Variants in EXOSC1 observed in about 807,000 individuals in gnomAD.
EXOSC1 encodes exosome component 1.
Under a neutral mutation model 31.4 loss-of-function variants are expected in EXOSC1, and 27 were observed. The observed-to-expected ratio is 0.86, with a 90% CI of 0.63 to 1.18. EXOSC1 has a LOEUF of 1.18. EXOSC1 is among the 50% of genes most tolerant of loss of function. EXOSC1 has a pLI of 0.00. For missense variants in EXOSC1, 228 were observed against 250.3 expected, an observed-to-expected ratio of 0.91 and a Z score of 0.60; for synonymous variants, 84 against 89.5, an observed-to-expected ratio of 0.94 and a Z score of 0.35.
chr10:97,437,661 T>C (rs1845584346), intron 6 of EXOSC1, 39 bp downstream of exon 6: 10 of 1,602,738 alleles, frequency 6.2e-6, no homozygotes, highest in Non-Finnish European at 8.5e-6. Flanking sequence ...TTCTCTTCTT[T>C]TGACAAAGGA....
chr10:97,437,806 A>G (rs1589461626), intron 5 of EXOSC1, 56 bp from the exon 6 acceptor site: 2 of 1,422,900 alleles, frequency 1.4e-6, no homozygotes, highest in Non-Finnish European at 2.0e-6. Flanking sequence ...TCTATATGAA[A>G]CTGTGAACGC....
Position 97,445,717 on chromosome 10 carries a change from T to G in EXOSC1, c.147+15A>C. On this transcript the variant is annotated intron_variant, in intron 2 of 7. Coordinates refer to ENST00000370902, the MANE Select transcript of EXOSC1 (RefSeq NM_016046.5). ...AGGGAAAAACAGAGGGGAGATGGCA[T>G]GCCGCTTCCTTTACCGCGCCATTCT... 6.2e-7 allele frequency: 1 copy of G among 1,611,288 alleles called. No individual in the cohort carries two copies. The highest frequency in any genetic ancestry group is 8.5e-7 in the Non-Finnish European group (1 of 1,177,900).
chr10:97,438,552 G>T, intron 5 of EXOSC1, 118 bp downstream of exon 5: 2 of 888,184 alleles, frequency 2.3e-6, no homozygotes, highest in Non-Finnish European at 1.8e-6. Context: ...TGATCCTCCC[G>T]CCTCAGCCTC....
At chr10:97,439,889 A>G (rs1016529349) in intron 4 of EXOSC1, among the ~76,000 whole-genome samples, 1 of 151,748 alleles carries the variant, frequency 6.6e-6, no homozygotes, top group African/African-American at 2.4e-5. Context: ...TCACCATCTC[A>G]CCCACAAATC....
At chr10:97,440,082 C>T (rs1444153552) in intron 4 of EXOSC1, among the ~76,000 whole-genome samples, 3 of 151,634 alleles carry the variant, frequency 2.0e-5, no homozygotes, top group African/African-American at 4.9e-5. Flanking sequence ...AAGTGATTCT[C>T]CTGCCTCAGC....
chr10:97,443,241 C>A lies in EXOSC1; in HGVS notation c.218G>T (p.Cys73Phe), dbSNP rs1336030915. 6.2e-7 allele frequency: 1 copy of A among 1,613,704 alleles called. No homozygotes were observed. Among genetic ancestry groups the A allele is most frequent in the South Asian group, 1.1e-5 (1 of 91,006 alleles). The change falls in exon 3 of 8, where the codon TGT becomes TTT. Residue 73 changes from cysteine (C) to phenylalanine (F), a missense_variant. Transcript: ENST00000370902. ...LLPDVGAIVT[C>F]KVSSINSRFA... ...TGGAGGTCAGGACCAACTTACCTTA[C>A]AGGTTACAATAGCTCCCACATCTGG... is the stretch of plus-strand genomic sequence containing the variant.
chr10:97,442,307 A>G (rs1018762231), intron 3 of EXOSC1, among the ~76,000 whole-genome samples: 1 of 152,180 alleles, frequency 6.6e-6, no homozygotes, highest in Admixed American at 6.5e-5. Context: ...AGACACAGGT[A>G]GAACTATGTA....
chr10:97,437,107 A>T, intron 7 of EXOSC1, 84 bp downstream of exon 7: 1 of 1,240,232 alleles, frequency 8.1e-7, no homozygotes, highest in Non-Finnish European at 1.2e-6. Context: ...TGCTTCCCAG[A>T]TAAGGGAAAC....
chr10:97,445,073 G>T (rs774546646), intron 2 of EXOSC1: 11 of 152,074 alleles, frequency 7.2e-5, no homozygotes, highest in Non-Finnish European at 1.5e-4. Context: ...AGAGTTTTTT[G>T]TGAGTCTTTA....
rs193222710 is a variant in EXOSC1 at position 97,437,368 on chromosome 10, T to C, written c.397-93A>G. 2.4e-4 allele frequency: 224 copies of C among 938,110 alleles called. 2 individuals are homozygous for C. In the African/African-American group the frequency reaches 3.2e-3, roughly 13 times the overall value. 58.1% of individuals were successfully genotyped at this position (938,110 alleles called of 1,614,324 possible). A position where few individuals can be genotyped will look rare whatever the true frequency, so the allele number is the denominator to read the frequency against. On this transcript the variant is annotated intron_variant, in intron 6 of 7. Transcript: ENST00000370902. ...TTGTTTTTCTACCTTTTTTTTTTTCTGAGATGGAGTCTTGCTCCGTTAACC... is the reference window on the plus strand; with the variant it reads ...TTGTTTTTCTACCTTTTTTTTTTTCCGAGATGGAGTCTTGCTCCGTTAACC...
At position 97,441,205 on chromosome 10, in the gene EXOSC1, T is replaced by C. The variant is rs778840822; in HGVS notation, c.277A>G (p.Met93Val). 3.1e-6 allele frequency: 5 copies of C among 1,614,130 alleles called. No homozygotes were observed. Among genetic ancestry groups the C allele is most frequent in the East Asian group, 4.5e-5 (2 of 44,884 alleles). ...AKVHILYVGS[M>V]PLKNSFRGTI... Reference sequence around the variant, plus strand: ...CCTCGAAAAGAGTTCTTAAGAGGCATGGACCCCACATACAGGATGTGTACT... The same window carrying C: ...CCTCGAAAAGAGTTCTTAAGAGGCACGGACCCCACATACAGGATGTGTACT... The change falls in exon 4 of 8, where the codon ATG becomes GTG. Residue 93 changes from methionine (M) to valine (V), a missense_variant. Coordinates refer to ENST00000370902, the MANE Select transcript of EXOSC1 (RefSeq NM_016046.5).
chr10:97,445,435 A>G (rs1029384408), intron 2 of EXOSC1: 28 of 435,370 alleles, frequency 6.4e-5, no homozygotes, highest in South Asian at 1.8e-4. Flanking sequence ...AGCAACATTC[A>G]TACAGTATGC....
intron 5 of EXOSC1, 144 bp from the exon 6 acceptor site, chr10:97,437,894 T>C (rs940669330): frequency 1.7e-5 from 12 of 695,482 alleles, no homozygotes; most frequent in Middle Eastern, 5.0e-4. Context: ...GAACTTTTAA[T>C]TGCTTCTACA....
rs749685694 is a variant in EXOSC1 at position 97,437,186 on chromosome 10, C to G, written c.481+5G>C. The stretch of plus-strand genomic sequence containing the variant: ...AGTAAGGATGTGGAAACAAGGCCAT[C>G]TCACCTGACTCACTGTGGGCTACCA... On this transcript the variant is annotated splice_donor_5th_base_variant and intron_variant, in intron 7 of 7. Coordinates refer to ENST00000370902, the MANE Select transcript of EXOSC1 (RefSeq NM_016046.5). 4 of 1,613,624 alleles carry G rather than the reference C, an allele frequency of 2.5e-6. No individual in the cohort carries two copies. Among genetic ancestry groups the G allele is most frequent in the Admixed American group, 1.7e-5 (1 of 59,936 alleles).
chr10:97,445,882 C>T (rs1845960456), intron 1 of EXOSC1, 35 bp from the exon 2 acceptor site: 7 of 1,613,796 alleles, frequency 4.3e-6, no homozygotes, highest in East Asian at 2.2e-5. Flanking sequence ...CACGGGCCCC[C>T]AGAAGCTGTA....
chr10:97,436,062 TAC>T lies in EXOSC1; in HGVS notation c.*381_*382del, dbSNP rs1344846612. ...CTGACTCAGTGCCTAGCACAGTAAG[TAC>T]TCAATAAGCAGAAGTACTGAAATGT... On this transcript the variant is annotated 3_prime_UTR_variant, in exon 8 of 8. Transcript: ENST00000370902. The T allele has an allele frequency of 4.1e-6, 1 of 245,426 alleles. No homozygotes were observed. The highest frequency in any genetic ancestry group is 7.9e-6 in the Non-Finnish European group (1 of 126,856). 15.2% of individuals were successfully genotyped at this position (245,426 alleles called of 1,614,324 possible).
In EXOSC1 at chr10:97,445,997, T is replaced by TC; in HGVS notation, c.-13dup. 6.2e-7 allele frequency: 1 copy of TC among 1,614,194 alleles called. No individual in the cohort carries two copies. Among genetic ancestry groups the TC allele is most frequent in the East Asian group, 2.2e-5 (1 of 44,880 alleles). ...ACAGGTGGCGCCATGATTGCCGCTG[T>TC]CCCAAAACCAGGATGAAAACGAAGT... On this transcript the variant is annotated 5_prime_UTR_variant, in exon 1 of 8. Coordinates refer to ENST00000370902, the MANE Select transcript of EXOSC1 (RefSeq NM_016046.5).
Position 97,436,252 on chromosome 10 carries a change from GAT to G in EXOSC1, c.*191_*192del. 2.0e-6 allele frequency: 1 copy of G among 499,894 alleles called. No individual in the cohort carries two copies. The highest frequency in any genetic ancestry group is 2.3e-5 in the South Asian group (1 of 44,200). 31.0% of individuals were successfully genotyped at this position (499,894 alleles called of 1,614,324 possible). A position where few individuals can be genotyped will look rare whatever the true frequency, so the allele number is the denominator to read the frequency against. ...GTTTTGTTTGTTGGTGCCTTGAAAA[GAT>G]AAGATTTATTACTCAAGAGAATGAA... On this transcript the variant is annotated 3_prime_UTR_variant, in exon 8 of 8. Coordinates refer to ENST00000370902, the MANE Select transcript of EXOSC1 (RefSeq NM_016046.5).
intron 3 of EXOSC1, among the ~76,000 whole-genome samples, chr10:97,442,026 A>T (rs951303547): frequency 1.3e-5 from 2 of 151,646 alleles, no homozygotes; most frequent in Non-Finnish European, 2.9e-5. Flanking sequence ...AAAATACAAA[A>T]ATTAGCCAGG....
Sources: allele counts gnomAD v4.1 joint callset (sites outside exome capture counted in the v4.1 genomes callset), GRCh38; gene constraint gnomAD v4.1.1; transcripts MANE v1.5; gene names NCBI Gene and HGNC (gene_info 2026-07-23, HGNC 2026-07-21).